The following FARS2 variants were observed in gnomAD, a reference collection of about 807,000 sequenced individuals.
The protein encoded by FARS2 is phenylalanyl-tRNA synthetase 2, mitochondrial, also known as phenylalanine--tRNA ligase, mitochondrial.
Under a neutral mutation model 46.4 loss-of-function variants are expected in FARS2, and 40 were observed. That is an observed-to-expected ratio of 0.86 (90% CI 0.67 to 1.12). The LOEUF is 1.12. Among genes scored for constraint, FARS2 ranks in the 50% most tolerant of loss-of-function variants. FARS2 has a pLI of 0.00. For synonymous variants in FARS2, 234 were observed against 214.9 expected, an observed-to-expected ratio of 1.09 and a Z score of -0.78; for missense variants, 513 against 567.9, an observed-to-expected ratio of 0.90 and a Z score of 0.98.
chr6:5,543,007 G>T (rs1343554441), intron 4 of FARS2, among the ~76,000 whole-genome samples: 2 of 152,084 alleles, frequency 1.3e-5, no homozygotes, highest in South Asian at 2.1e-4. Context: ...AATATGGTCT[G>T]TGGTGGTGGA....
At chr6:5,301,848 A>AC (rs1561943021) in intron 1 of FARS2, among the ~76,000 whole-genome samples, 31 of 123,000 alleles carry the variant, frequency 2.5e-4, no homozygotes, top group African/African-American at 7.2e-4. Context: ...CACACACACA[A>AC]AGAAAATGGG....
chr6:5,394,655 T>C (rs1236691673), intron 2 of FARS2, among the ~76,000 whole-genome samples: 1 of 152,164 alleles, frequency 6.6e-6, no homozygotes, highest in African/African-American at 2.4e-5. Flanking sequence ...TGATATCTTA[T>C]GGAAACTCTG....
intron 1 of FARS2, among the ~76,000 whole-genome samples, chr6:5,308,386 A>G (rs1185834638): frequency 6.6e-6 from 1 of 152,236 alleles, no homozygotes; most frequent in South Asian, 2.1e-4. Context: ...AGGAAGCAGC[A>G]ACTCCCGATG....
chr6:5,401,928 C>T (rs1000254398), intron 2 of FARS2, among the ~76,000 whole-genome samples: 4 of 151,966 alleles, frequency 2.6e-5, no homozygotes, highest in African/African-American at 9.7e-5. Flanking sequence ...AAGAATATGT[C>T]CTATATTTGA....
At chr6:5,444,319 T>G (rs1340071215) in intron 4 of FARS2, among the ~76,000 whole-genome samples, 1 of 151,650 alleles carries the variant, frequency 6.6e-6, no homozygotes. Context: ...ATACAAAAAT[T>G]AGCTGGGCAT....
intron 6 of FARS2, among the ~76,000 whole-genome samples, chr6:5,705,963 G>T (rs575293555): frequency 3.3e-5 from 5 of 152,292 alleles, no homozygotes; most frequent in African/African-American, 1.2e-4. Flanking sequence ...GTGTCCAGCA[G>T]TGACGTATTT....
chr6:5,451,202 A>G (rs1053645565), intron 4 of FARS2, among the ~76,000 whole-genome samples: 3 of 152,088 alleles, frequency 2.0e-5, no homozygotes, highest in Admixed American at 6.6e-5. Context: ...CACTTCAGGT[A>G]TAGGGAAATA....
chr6:5,687,715 G>GT (rs370280382), intron 6 of FARS2, among the ~76,000 whole-genome samples: 1 of 152,084 alleles, frequency 6.6e-6, no homozygotes. Context: ...CTTTAAAGTA[G>GT]TTTTTTTCCA....
intron 2 of FARS2, among the ~76,000 whole-genome samples, chr6:5,372,461 T>C (rs956895652): frequency 6.6e-6 from 1 of 152,184 alleles, no homozygotes. Context: ...AAATTACTTA[T>C]GCATTACTAA....
intron 6 of FARS2, among the ~76,000 whole-genome samples, chr6:5,668,692 T>G (rs1432680889): frequency 1.4e-5 from 2 of 141,882 alleles, no homozygotes; most frequent in Admixed American, 7.0e-5. Context: ...TTGGGTTTTT[T>G]TTTTTTTTTT....
intron 4 of FARS2, among the ~76,000 whole-genome samples, chr6:5,525,177 T>G (rs532748455): frequency 6.7e-6 from 1 of 148,946 alleles, no homozygotes; most frequent in East Asian, 1.9e-4. Context: ...TCTGCATTCT[T>G]CCCAGCAAGC....
In FARS2 at chr6:5,312,542, C is replaced by T. The variant is rs186562263; in HGVS notation, c.-22+50882C>T. ...TCAAAACTTCAAAGATTTAACTCAT[C>T]TCTAGCCACTGGGAATGTGCTTATG... On this transcript the variant is annotated intron_variant, in intron 1 of 6. Transcript: ENST00000274680. 5.5e-4 allele frequency among the ~76,000 whole-genome samples: 84 copies of T among 152,324 alleles called. No individual in the cohort carries two copies. The South Asian group carries it at 6.2e-3, about 11-fold the overall frequency.
At chr6:5,318,095 T>G (rs1769668475) in intron 1 of FARS2, among the ~76,000 whole-genome samples, 1 of 152,100 alleles carries the variant, frequency 6.6e-6, no homozygotes, top group Non-Finnish European at 1.5e-5. Context: ...GCGCGGTGGC[T>G]CACTCCTGTA....
At chr6:5,688,113 G>T (rs1352915526) in intron 6 of FARS2, among the ~76,000 whole-genome samples, 2 of 152,198 alleles carry the variant, frequency 1.3e-5, no homozygotes, top group African/African-American at 4.8e-5. Flanking sequence ...GAGACGATGG[G>T]ATTTTCTAGA....
Position 5,469,736 on chromosome 6 carries a change from G to C in FARS2, c.904+38564G>C, listed in dbSNP as rs151075632. On this transcript the variant is annotated intron_variant, in intron 4 of 6. Transcript: ENST00000274680. Reference sequence around the variant, plus strand: ...AAAGATAAGGTTTGGATTTGGAGTAGGAAATATATAAGAATGAACAGAGCT... The same window carrying C: ...AAAGATAAGGTTTGGATTTGGAGTACGAAATATATAAGAATGAACAGAGCT... 5.9e-3 allele frequency among the ~76,000 whole-genome samples: 897 copies of C among 152,322 alleles called. 38 individuals carry two copies. Among genetic ancestry groups the C allele is most frequent in the Admixed American group, 0.054 (826 of 15,298 alleles).
intron 3 of FARS2, among the ~76,000 whole-genome samples, chr6:5,412,435 G>A (rs1022214079): frequency 6.6e-6 from 1 of 152,196 alleles, no homozygotes; most frequent in Admixed American, 6.5e-5. Context: ...TCATCCACAC[G>A]TGTTGATTCC....
intron 5 of FARS2, among the ~76,000 whole-genome samples, chr6:5,564,883 G>A (rs9502317): frequency 0.014 from 2,119 of 152,196 alleles, 57 homozygotes; most frequent in African/African-American, 0.047. Context: ...TCCTGTGCGG[G>A]GACTGTGCAG....
intron 4 of FARS2, among the ~76,000 whole-genome samples, chr6:5,456,730 CAAAAA>C (rs11393453): frequency 1.4e-5 from 1 of 69,888 alleles, no homozygotes; most frequent in South Asian, 7.0e-4. Context: ...GACTCCATCT[CAAAAA>C]AAAAAAAAAA....
intron 1 of FARS2, among the ~76,000 whole-genome samples, chr6:5,286,868 C>G (rs563148873): frequency 1.3e-5 from 2 of 152,264 alleles, no homozygotes; most frequent in Admixed American, 1.3e-4. Flanking sequence ...ATTTTGGTGC[C>G]ACTGCAGAAT....
Sources: gnomAD v4.1 joint callset for allele counts (sites outside exome capture counted in the v4.1 genomes callset) on GRCh38, gnomAD v4.1.1 for gene constraint, MANE v1.5 for transcripts, NCBI Gene and HGNC (gene_info 2026-07-23, HGNC 2026-07-21) for gene names.